Variants in EXT1 observed in about 807,000 individuals in gnomAD.
EXT1 encodes exostosin glycosyltransferase 1.
EXT1 carries 20 observed loss-of-function variants against 82.5 expected under a neutral mutation model. That is an observed-to-expected ratio of 0.24 (90% CI 0.17 to 0.35). EXT1 has a LOEUF of 0.35. Ranked by LOEUF, EXT1 falls within the 10% of genes least tolerant of loss-of-function variation. The pLI, the probability that EXT1 is intolerant of heterozygous loss-of-function variation, is 1.00. For synonymous variants in EXT1, 348 were observed against 350.8 expected (o/e 0.99, Z 0.09); for missense variants, 757 against 936.5 (o/e 0.81, Z 2.50).
chr8:118,021,671 G>A (rs931090986), intron 1 of EXT1, among the ~76,000 whole-genome samples: 1 of 152,144 alleles, frequency 6.6e-6, no homozygotes, highest in Non-Finnish European at 1.5e-5. Context: ...TCACTCAAGG[G>A]TTAGGGATAT....
At chr8:118,049,050 C>G (rs925091825) in intron 1 of EXT1, among the ~76,000 whole-genome samples, 2 of 152,148 alleles carry the variant, frequency 1.3e-5, no homozygotes, top group Admixed American at 6.5e-5. Flanking sequence ...TGAAATGACA[C>G]TCCCACATCC....
chr8:117,834,449 A>T (rs928519245), intron 3 of EXT1, among the ~76,000 whole-genome samples: 1 of 152,152 alleles, frequency 6.6e-6, no homozygotes, highest in African/African-American at 2.4e-5. Flanking sequence ...TACTACAAAT[A>T]CAAAAATTAG....
intron 1 of EXT1, among the ~76,000 whole-genome samples, chr8:117,914,058 G>A (rs1012683940): frequency 1.1e-4 from 17 of 152,226 alleles, no homozygotes; most frequent in East Asian, 3.9e-4. Flanking sequence ...GTAGGGTGGC[G>A]GGGTATGATT....
chr8:117,971,511 A>G (rs956624352), intron 1 of EXT1, among the ~76,000 whole-genome samples: 38 of 152,240 alleles, frequency 2.5e-4, no homozygotes, highest in Admixed American at 2.4e-3. Context: ...TAAATTAGAG[A>G]AGCAGTCTAC....
rs796605483 is a variant in EXT1 at position 117,809,242 on chromosome 8, T to TATATATATATATATA, written c.1723-1866_1723-1865insTATATATATATATAT. On this transcript the variant is annotated intron_variant, in intron 8 of 10. Coordinates refer to ENST00000378204, the MANE Select transcript of EXT1 (RefSeq NM_000127.3). ...AAATATATATATATATATATATATA[T>TATATATATATATATA]ATTATGTTCTATTGATTCTGTTTGC... Among the ~76,000 whole-genome samples, 175 of 141,208 alleles carry TATATATATATATATA rather than the reference T, an allele frequency of 1.2e-3. 1 individual carries two copies. Among genetic ancestry groups the TATATATATATATATA allele is most frequent in the East Asian group, 0.011 (53 of 4,722 alleles). 92.6% of individuals were successfully genotyped at this position (141,208 alleles called of 152,430 possible). A position where few individuals can be genotyped will look rare whatever the true frequency, so the allele number is the denominator to read the frequency against.
chr8:117,869,134 G>T (rs1812826630), intron 1 of EXT1, among the ~76,000 whole-genome samples: 1 of 152,202 alleles, frequency 6.6e-6, no homozygotes, highest in South Asian at 2.1e-4. Context: ...TTTGGCGGAT[G>T]AGGCTTCTCT....
intron 1 of EXT1, among the ~76,000 whole-genome samples, chr8:118,071,526 G>C (rs1252758786): frequency 6.6e-6 from 1 of 151,858 alleles, no homozygotes; most frequent in Admixed American, 6.6e-5. Context: ...AAAGTAGTAG[G>C]GGGGCAGGGG....
intron 1 of EXT1, among the ~76,000 whole-genome samples, chr8:117,898,635 G>A (rs1370717371): frequency 6.6e-6 from 1 of 152,106 alleles, no homozygotes; most frequent in Non-Finnish European, 1.5e-5. Context: ...TCCCATGAAG[G>A]TTTTTAAGTT....
At chr8:117,840,791 C>T (rs575955251) in intron 1 of EXT1, among the ~76,000 whole-genome samples, 1 of 152,222 alleles carries the variant, frequency 6.6e-6, no homozygotes, top group South Asian at 2.1e-4. Context: ...ACACAAAGTG[C>T]TGCTAAACAC....
intron 1 of EXT1, among the ~76,000 whole-genome samples, chr8:118,011,204 C>T (rs1007590613): frequency 8.5e-5 from 13 of 152,166 alleles, no homozygotes; most frequent in African/African-American, 2.7e-4. Flanking sequence ...CTTTTCCCTG[C>T]CTGACATTAA....
chr8:117,803,196 T>C (rs1285450020), intron 10 of EXT1, among the ~76,000 whole-genome samples: 2 of 152,130 alleles, frequency 1.3e-5, no homozygotes, highest in Non-Finnish European at 2.9e-5. Context: ...GTTTCTTTTT[T>C]CTTTTTCTTT....
chr8:118,110,600 G>A lies in EXT1; in HGVS notation c.447C>T (p.Ser149=), dbSNP rs2130043419. ...GACTCAGGACAAAGAGGCACGCCTG[G>A]CTGGGGTCCGAGGTGTAGAACCTGG... The part of the protein sequence containing the change: ...EGSRFYTSDP[S]QACLFVLSLD... The change falls in exon 1 of 11, where the codon AGC becomes AGT. Residue 149 remains serine (S), a synonymous_variant. Coordinates refer to ENST00000378204, the MANE Select transcript of EXT1 (RefSeq NM_000127.3). 1 of 1,614,212 alleles carries A rather than the reference G, an allele frequency of 6.2e-7. No homozygotes were observed. The highest frequency in any genetic ancestry group is 1.7e-5 in the Admixed American group (1 of 60,030).
intron 1 of EXT1, among the ~76,000 whole-genome samples, chr8:117,892,145 T>C (rs1205762295): frequency 1.3e-5 from 2 of 152,150 alleles, no homozygotes; most frequent in Non-Finnish European, 2.9e-5. Context: ...ATGGTAGAGG[T>C]TGGCTCCATC....
intron 1 of EXT1, among the ~76,000 whole-genome samples, chr8:117,960,924 T>C (rs953119817): frequency 6.6e-6 from 1 of 152,114 alleles, no homozygotes; most frequent in Non-Finnish European, 1.5e-5. Context: ...ATGCCTGAGA[T>C]GGTCTACACT....
chr8:117,841,264 G>A (rs932714019), intron 1 of EXT1, among the ~76,000 whole-genome samples: 7 of 152,104 alleles, frequency 4.6e-5, no homozygotes, highest in Admixed American at 2.6e-4. Flanking sequence ...TGATACACAC[G>A]ACAACTTCAA....
chr8:118,004,505 T>C (rs1815735389), intron 1 of EXT1, among the ~76,000 whole-genome samples: 1 of 152,182 alleles, frequency 6.6e-6, no homozygotes, highest in Non-Finnish European at 1.5e-5. Flanking sequence ...GAAGCACTGA[T>C]ACACCAAACC....
chr8:117,982,622 C>G (rs959534385), intron 1 of EXT1, among the ~76,000 whole-genome samples: 4 of 152,082 alleles, frequency 2.6e-5, no homozygotes, highest in African/African-American at 9.7e-5. Context: ...TCCCGAGTAC[C>G]TGAGATTACA....
chr8:117,947,011 T>C (rs528628096), intron 1 of EXT1, among the ~76,000 whole-genome samples: 2 of 152,266 alleles, frequency 1.3e-5, no homozygotes, highest in African/African-American at 4.8e-5. Context: ...CAAGAATTAT[T>C]ATAAAGGAGC....
chr8:117,990,200 C>A (rs1815405055), intron 1 of EXT1, among the ~76,000 whole-genome samples: 1 of 152,092 alleles, frequency 6.6e-6, no homozygotes, highest in Non-Finnish European at 1.5e-5. Context: ...AGAAAAGAAC[C>A]CAGACTGGGT....
Sources: gnomAD v4.1 joint callset for allele counts (sites outside exome capture counted in the v4.1 genomes callset) on GRCh38, gnomAD v4.1.1 for gene constraint, MANE v1.5 for transcripts, NCBI Gene and HGNC (gene_info 2026-07-23, HGNC 2026-07-21) for gene names.